NRXN3: variants seen among roughly 807,000 people sequenced by gnomAD.
NRXN3 encodes the protein neurexin III.
Under a neutral mutation model 137.6 loss-of-function variants are expected in NRXN3, and 32 were observed. The observed-to-expected ratio is 0.23, with a 90% CI of 0.18 to 0.31. NRXN3 has a LOEUF of 0.31. Ranked by LOEUF, NRXN3 falls within the 10% of genes least tolerant of loss-of-function variation. The pLI is 1.00. For synonymous variants in NRXN3, 798 were observed against 784.5 expected, an observed-to-expected ratio of 1.02 and a Z score of -0.29; for missense variants, 1,574 against 2,062.5, an observed-to-expected ratio of 0.76 and a Z score of 4.59.
chr14:79,102,335 A>AT (rs2051483160), intron 15 of NRXN3, among the ~76,000 whole-genome samples: 1 of 152,112 alleles, frequency 6.6e-6, no homozygotes, highest in African/African-American at 2.4e-5. Flanking sequence ...TGCTACTTCA[A>AT]TTTTATATTT....
At chr14:78,386,955 T>G (rs544596279) in intron 4 of NRXN3, among the ~76,000 whole-genome samples, 1 of 152,130 alleles carries the variant, frequency 6.6e-6, no homozygotes, top group South Asian at 2.1e-4. Flanking sequence ...AATTTTTTTG[T>G]ATGTTTAGTA....
chr14:79,172,838 TA>T (rs372253922), intron 15 of NRXN3, among the ~76,000 whole-genome samples: 1 of 152,084 alleles, frequency 6.6e-6, no homozygotes, highest in African/African-American at 2.4e-5. Flanking sequence ...ACCATTGTAA[TA>T]AAAAATAATG....
At chr14:78,823,956 C>T (rs1463742542) in intron 10 of NRXN3, among the ~76,000 whole-genome samples, 1 of 152,038 alleles carries the variant, frequency 6.6e-6, no homozygotes, top group Non-Finnish European at 1.5e-5. Flanking sequence ...TCAGCCAAAA[C>T]TGGTCCAGAG....
chr14:79,451,114 A>G (rs1279606853), intron 15 of NRXN3, among the ~76,000 whole-genome samples: 4 of 143,568 alleles, frequency 2.8e-5, no homozygotes, highest in Non-Finnish European at 6.0e-5. Flanking sequence ...TTCTCCTTCC[A>G]CTCTTATGAC....
intron 4 of NRXN3, among the ~76,000 whole-genome samples, chr14:78,367,245 G>A (rs1010910767): frequency 1.3e-5 from 2 of 151,962 alleles, no homozygotes; most frequent in South Asian, 4.2e-4. Flanking sequence ...TAGTTTTCTG[G>A]CTTTTTCTTG....
At chr14:79,408,899 T>C (rs1398287243) in intron 15 of NRXN3, among the ~76,000 whole-genome samples, 1 of 152,154 alleles carries the variant, frequency 6.6e-6, no homozygotes, top group African/African-American at 2.4e-5. Context: ...AGAACATCAT[T>C]ACATTCAAGT....
rs532650458 is a variant in NRXN3, at chr14:79,186,825, T to TA, written c.3262+198685dup. On this transcript the variant is annotated intron_variant, in intron 15 of 20. Transcript: ENST00000335750. ...TTTCCTGTATTCAAGCAGGCAAAGA[T>TA]ACGGGTCAAACATTTAAGGCCGTTA... Among the ~76,000 whole-genome samples, 366 of 152,298 alleles carry TA rather than the reference T, an allele frequency of 2.4e-3. 2 individuals carry two copies. Among genetic ancestry groups the TA allele is most frequent in the African/African-American group, 8.2e-3 (341 of 41,560 alleles).
chr14:78,244,367 T>C (rs1356144191), intron 2 of NRXN3, among the ~76,000 whole-genome samples: 3 of 151,264 alleles, frequency 2.0e-5, no homozygotes, highest in Admixed American at 6.6e-5. Context: ...GAGGTGGAGG[T>C]TGCAGTGAGC....
chr14:79,475,456 A>T (rs2096551304), intron 16 of NRXN3, among the ~76,000 whole-genome samples: 1 of 152,130 alleles, frequency 6.6e-6, no homozygotes, highest in Admixed American at 6.6e-5. Flanking sequence ...CCTGAGCATC[A>T]TTCATTTTAT....
chr14:79,107,925 G>T (rs1054027370), intron 15 of NRXN3, among the ~76,000 whole-genome samples: 5 of 152,028 alleles, frequency 3.3e-5, no homozygotes, highest in Admixed American at 6.6e-5. Flanking sequence ...TTTTAGTCAG[G>T]ACCAATATAA....
intron 10 of NRXN3, among the ~76,000 whole-genome samples, chr14:78,920,479 G>T (rs11845570): frequency 6.6e-6 from 1 of 152,126 alleles, no homozygotes; most frequent in Non-Finnish European, 1.5e-5. Context: ...ATTGAACACT[G>T]TATTTCTTTT....
chr14:79,572,523 T>C (rs1270436545), intron 16 of NRXN3, among the ~76,000 whole-genome samples: 1 of 152,178 alleles, frequency 6.6e-6, no homozygotes, highest in East Asian at 1.9e-4. Context: ...AGCATCGTGC[T>C]CTTTTGTGAT....
intron 1 of NRXN3, among the ~76,000 whole-genome samples, chr14:78,186,188 G>A (rs901316642): frequency 6.6e-6 from 1 of 152,246 alleles, no homozygotes; most frequent in Non-Finnish European, 1.5e-5. Context: ...AGGAGAGGCA[G>A]AGTGAAAGGG....
intron 4 of NRXN3, among the ~76,000 whole-genome samples, chr14:78,628,788 C>T (rs893847485): frequency 6.6e-6 from 1 of 152,180 alleles, no homozygotes; most frequent in African/African-American, 2.4e-5. Context: ...AACCACTGTC[C>T]AGGCTAGCAG....
intron 4 of NRXN3, among the ~76,000 whole-genome samples, chr14:78,469,614 A>C (rs888230825): frequency 6.6e-6 from 1 of 152,130 alleles, no homozygotes; most frequent in South Asian, 2.1e-4. Flanking sequence ...CGAAGACCCA[A>C]CCTGGATCAA....
chr14:78,905,071 G>A (rs2099211121), intron 10 of NRXN3, among the ~76,000 whole-genome samples: 1 of 151,996 alleles, frequency 6.6e-6, no homozygotes, highest in African/African-American at 2.4e-5. Flanking sequence ...GTTCAGTGTG[G>A]ATTGCATCTT....
intron 10 of NRXN3, among the ~76,000 whole-genome samples, chr14:78,925,596 G>A (rs889585035): frequency 4.2e-4 from 64 of 152,186 alleles, no homozygotes; most frequent in African/African-American, 2.2e-4. Flanking sequence ...TGAAAGGAAC[G>A]TGCCAATTAT....
At chr14:78,896,356 C>G (rs1035208372) in intron 10 of NRXN3, among the ~76,000 whole-genome samples, 3 of 151,860 alleles carry the variant, frequency 2.0e-5, no homozygotes, top group Admixed American at 6.6e-5. Context: ...AGAAGCTTAT[C>G]TCTTCCATCT....
intron 15 of NRXN3, among the ~76,000 whole-genome samples, chr14:79,447,205 A>G (rs1329706619): frequency 1.3e-5 from 2 of 152,334 alleles, no homozygotes; most frequent in East Asian, 3.9e-4. Context: ...GGTTTTCAGG[A>G]TAAGAAAAAA....
Sources: gnomAD v4.1 joint callset for allele counts (sites outside exome capture counted in the v4.1 genomes callset) on GRCh38, gnomAD v4.1.1 for gene constraint, MANE v1.5 for transcripts, NCBI Gene and HGNC (gene_info 2026-07-23, HGNC 2026-07-21) for gene names.